Variants in ARSG observed in about 807,000 individuals in gnomAD.
The protein encoded by ARSG is ASG.
Under a neutral mutation model 50.5 loss-of-function variants are expected in ARSG, and 37 were observed. The ratio of observed to expected loss-of-function variants is 0.73; its 90% confidence interval spans 0.56 to 0.96. ARSG has a LOEUF of 0.96. ARSG is among the 50% of genes least tolerant of loss of function. ARSG has a pLI of 0.00. For synonymous variants in ARSG, 225 were observed against 254.6 expected, an observed-to-expected ratio of 0.88 and a Z score of 1.11; for missense variants, 629 against 675.3, an observed-to-expected ratio of 0.93 and a Z score of 0.76.
chr17:68,319,131 C>T (rs1290231936), intron 2 of ARSG, among the ~76,000 whole-genome samples: 12 of 152,088 alleles, frequency 7.9e-5, no homozygotes, highest in African/African-American at 2.4e-4. Context: ...CTAAACAAGA[C>T]CAATATTAGG....
At chr17:68,270,534 A>AC (rs757390206) in intron 1 of ARSG, among the ~76,000 whole-genome samples, 202 of 150,058 alleles carry the variant, frequency 1.3e-3, no homozygotes, top group Non-Finnish European at 2.5e-3. Context: ...AGCCTGGGTG[A>AC]TAGAGCGAGA....
intron 1 of ARSG, among the ~76,000 whole-genome samples, chr17:68,277,450 G>A (rs2075561646): frequency 6.6e-6 from 1 of 151,876 alleles, no homozygotes; most frequent in Admixed American, 6.6e-5. Context: ...TCTTTTTTGA[G>A]ATGGTGTCTC....
intron 1 of ARSG, among the ~76,000 whole-genome samples, chr17:68,282,786 A>AAAAAAAAAAAAAAAAAAAAAAAC (rs2075736090): frequency 6.8e-6 from 1 of 146,740 alleles, no homozygotes; most frequent in Non-Finnish European, 1.5e-5. Context: ...TACTAAAAAA[A>AAAAAAAAAAAAAAAAAAAAAAAC]AAAAAAAAAA....
Position 68,271,093 on chromosome 17 carries a change from A to G in ARSG, c.-552+11667A>G, listed in dbSNP as rs2051484352. On this transcript the variant is annotated intron_variant, in intron 1 of 11. Transcript: ENST00000448504. The surrounding 1 kb of genome is among the most constrained non-coding windows in gnomAD (Gnocchi z 5.3). ...GATGAGCTCAATGTAAATCTTACGAATGGGCTCCCTGTTGAGGACAAAACC... is the reference window on the plus strand; with the variant it reads ...GATGAGCTCAATGTAAATCTTACGAGTGGGCTCCCTGTTGAGGACAAAACC... 6.2e-7 allele frequency: 1 copy of G among 1,614,102 alleles called. No homozygotes were observed. The highest frequency in any genetic ancestry group is 1.3e-5 in the African/African-American group (1 of 74,946).
At chr17:68,344,629 T>C (rs938362976) in intron 3 of ARSG, among the ~76,000 whole-genome samples, 1 of 152,252 alleles carries the variant, frequency 6.6e-6, no homozygotes, top group Admixed American at 6.5e-5. Context: ...GGTATATCTG[T>C]TCCCAGCCTT....
chr17:68,335,192 C>T (rs2077959044), intron 2 of ARSG, among the ~76,000 whole-genome samples: 1 of 152,012 alleles, frequency 6.6e-6, no homozygotes, highest in African/African-American at 2.4e-5. Flanking sequence ...AGACGGGAGT[C>T]TCCCTATATT....
At chr17:68,368,113 G>C (rs568014431) in intron 6 of ARSG, among the ~76,000 whole-genome samples, 9 of 152,280 alleles carry the variant, frequency 5.9e-5, no homozygotes, top group Middle Eastern at 3.4e-3. Flanking sequence ...GAATGGACAG[G>C]ATAGTCTGGA....
chr17:68,396,275 C>T (rs1415909676), intron 10 of ARSG, among the ~76,000 whole-genome samples: 1 of 152,146 alleles, frequency 6.6e-6, no homozygotes, highest in South Asian at 2.1e-4. Context: ...CCTTGGTCTC[C>T]CAAAGTGCTG....
At chr17:68,323,404 C>CTTAT (rs2077373310) in intron 2 of ARSG, among the ~76,000 whole-genome samples, 1 of 151,998 alleles carries the variant, frequency 6.6e-6, no homozygotes, top group Non-Finnish European at 1.5e-5. Flanking sequence ...AAAGAACCCT[C>CTTAT]TTATTAATTA....
At chr17:68,411,339 GTTTCAAAGAACATCTTTA>G (rs762785832) in intron 11 of ARSG, among the ~76,000 whole-genome samples, 151 of 152,274 alleles carry the variant, frequency 9.9e-4, no homozygotes, top group Non-Finnish European at 1.6e-3. Context: ...GTTCTTGTTG[GTTTCAAAGAACATCTTTA>G]TTTCTGCCTT....
chr17:68,282,779 T>TA (rs36155626), intron 1 of ARSG, among the ~76,000 whole-genome samples: 2,454 of 53,354 alleles, frequency 0.046, 130 homozygotes, highest in Non-Finnish European at 0.064. Context: ...CCATCTCTAC[T>TA]AAAAAAAAAA....
intron 2 of ARSG, among the ~76,000 whole-genome samples, chr17:68,342,772 C>A (rs1489587915): frequency 1.3e-5 from 2 of 152,148 alleles, no homozygotes; most frequent in Non-Finnish European, 2.9e-5. Flanking sequence ...AAACCACCAA[C>A]ACAAAACACA....
At chr17:68,308,693 T>C (rs8073616) in intron 2 of ARSG, among the ~76,000 whole-genome samples, 3,149 of 152,148 alleles carry the variant, frequency 0.021, 87 homozygotes, top group African/African-American at 0.071. Flanking sequence ...ATCCTGCTGA[T>C]TGGTAGAGCT....
In ARSG at chr17:68,367,837, G is replaced by A. The variant is rs538196969; in HGVS notation, c.705-711G>A. On this transcript the variant is annotated intron_variant, in intron 6 of 11. Coordinates refer to ENST00000621439, the MANE Select transcript of ARSG (RefSeq NM_001267727.2). This position sits in a 1 kb window ranked among gnomAD's most constrained non-coding sequence, Gnocchi z 4.5. Reference sequence around the variant, plus strand: ...TGTAATCCCAGCACTTTGGGAGGCCGAGGAGGGCAGCTCACCCGAGGTCAG... The same window carrying A: ...TGTAATCCCAGCACTTTGGGAGGCCAAGGAGGGCAGCTCACCCGAGGTCAG... 5.3e-5 allele frequency among the ~76,000 whole-genome samples: 8 copies of A among 152,160 alleles called. No homozygotes were observed. Among genetic ancestry groups the A allele is most frequent in the Admixed American group, 2.6e-4 (4 of 15,266 alleles).
intron 1 of ARSG, chr17:68,277,982 G>T (rs996734299): frequency 1.4e-6 from 1 of 715,266 alleles, no homozygotes; most frequent in Non-Finnish European, 2.4e-6. Context: ...ACCAACAGGC[G>T]TATAAGGGAA....
At chr17:68,347,198 A>T (rs921130412) in intron 4 of ARSG, 26 bp downstream of exon 4, 1 of 1,609,230 alleles carries the variant, frequency 6.2e-7, no homozygotes, top group Non-Finnish European at 8.5e-7. Context: ...GGGATTTGTT[A>T]CCTGGGAAAC....
chr17:68,304,329 C>T (rs1378128500), intron 1 of ARSG, among the ~76,000 whole-genome samples: 3 of 152,342 alleles, frequency 2.0e-5, no homozygotes, highest in East Asian at 1.9e-4. Context: ...TTAAGATCAA[C>T]AAATACCAGT....
chr17:68,274,015 C>A (rs782622730), intron 1 of ARSG: 2 of 1,614,172 alleles, frequency 1.2e-6, no homozygotes, highest in African/African-American at 1.3e-5. Flanking sequence ...GTAGCCCCCC[C>A]AACATCACTA....
intron 11 of ARSG, among the ~76,000 whole-genome samples, chr17:68,410,680 A>G (rs879399626): frequency 1.4e-4 from 21 of 152,180 alleles, no homozygotes; most frequent in Admixed American, 9.2e-4. Context: ...ATTGATTGGA[A>G]TAGTTTCAGA....
Sources: allele counts gnomAD v4.1 joint callset (sites outside exome capture counted in the v4.1 genomes callset), GRCh38; gene constraint gnomAD v4.1.1; non-coding constraint Gnocchi (gnomAD v3.1); transcripts MANE v1.5; gene names NCBI Gene and HGNC (gene_info 2026-07-23, HGNC 2026-07-21).